The following SMURF1 variants were observed in gnomAD, a reference collection of about 807,000 sequenced individuals.
The protein encoded by SMURF1 is SMAD specific E3 ubiquitin protein ligase 1.
Under a neutral mutation model 98.0 loss-of-function variants are expected in SMURF1, and 44 were observed. That is an observed-to-expected ratio of 0.45 (90% CI 0.35 to 0.58). The LOEUF is 0.58. SMURF1 is among the 20% of genes least tolerant of loss of function. SMURF1 has a pLI of 0.00. For synonymous variants in SMURF1, 396 were observed against 374.9 expected, an observed-to-expected ratio of 1.06 and a Z score of -0.65; for missense variants, 687 against 938.4, an observed-to-expected ratio of 0.73 and a Z score of 3.50.
intron 15 of SMURF1, 84 bp downstream of exon 15, chr7:99,036,983 A>G (rs1795170188): frequency 3.8e-6 from 6 of 1,599,992 alleles, no homozygotes; most frequent in South Asian, 2.2e-5. Context: ...AGCGGCACAC[A>G]CTGCCCCCTG....
intron 1 of SMURF1, among the ~76,000 whole-genome samples, chr7:99,128,153 A>G (rs1281381419): frequency 3.9e-5 from 6 of 152,192 alleles, no homozygotes; most frequent in Non-Finnish European, 5.9e-5. Flanking sequence ...GTCTTTTACA[A>G]AATTATACTC....
At position 99,051,367 on chromosome 7, in the gene SMURF1, T is replaced by A; in HGVS notation, c.796A>T (p.Arg266Trp). 2 of 1,614,090 alleles carry A rather than the reference T, an allele frequency of 1.2e-6. No homozygotes were observed. Among genetic ancestry groups the A allele is most frequent in the Non-Finnish European group, 1.7e-6 (2 of 1,179,914 alleles). Residue 266 changes from arginine to tryptophan, a missense_variant, in exon 8 of 18, where the codon AGG becomes TGG. Transcript: ENST00000361368. ...QTGVSTWHDP[R>W]IPRDLNSVNC... The stretch of plus-strand genomic sequence containing the variant: ...TTTCAGGAGGCTTACCTTGGTATCC[T>A]GGGGTCGTGCCACGTGCTAACTCCA...
intron 1 of SMURF1, among the ~76,000 whole-genome samples, chr7:99,098,788 G>A (rs766605138): frequency 8.6e-5 from 13 of 151,934 alleles, no homozygotes; most frequent in Admixed American, 1.3e-4. Context: ...AGTGACTTTC[G>A]GCCCTCTGAT....
chr7:99,059,114 A>C (rs1795955465), intron 3 of SMURF1, among the ~76,000 whole-genome samples: 2 of 150,796 alleles, frequency 1.3e-5, no homozygotes, highest in South Asian at 4.2e-4. Context: ...TTAAAAATAA[A>C]ATAGGCCGGG....
At chr7:99,138,633 A>C (rs1798048409) in intron 1 of SMURF1, among the ~76,000 whole-genome samples, 1 of 152,226 alleles carries the variant, frequency 6.6e-6, no homozygotes, top group Admixed American at 6.5e-5. Flanking sequence ...TCCTAGTTTG[A>C]TAAATCACAA....
chr7:99,057,259 C>A lies in SMURF1; in HGVS notation c.349G>T (p.Asp117Tyr). 1 of 1,614,060 alleles carries A rather than the reference C, an allele frequency of 6.2e-7. No homozygotes were observed. The highest frequency in any genetic ancestry group is 1.1e-5 in the South Asian group (1 of 91,076). The change falls in exon 5 of 18, where the codon GAT (aspartate) becomes TAT (tyrosine). Residue 117 changes from aspartate (D) to tyrosine (Y), a missense_variant. By Grantham distance (160) the Asp-to-Tyr change is radical. Transcript: ENST00000361368. Reference protein sequence around the residue: ...RLKDTGYQRLDLCKLNPSDTD... With the variant: ...RLKDTGYQRLYLCKLNPSDTD... The stretch of plus-strand genomic sequence containing the variant: ...TCTGAGGGGTTTAGTTTGCATAGAT[C>A]CAAACGCTGGTCTGTAAACAAACAA...
At chr7:99,083,257 C>T (rs1796608767) in intron 1 of SMURF1, among the ~76,000 whole-genome samples, 1 of 152,078 alleles carries the variant, frequency 6.6e-6, no homozygotes, top group African/African-American at 2.4e-5. Context: ...AAAGAGAGAA[C>T]CTTGTTAACT....
chr7:99,139,466 T>C (rs1416130717), intron 1 of SMURF1, among the ~76,000 whole-genome samples: 1 of 152,206 alleles, frequency 6.6e-6, no homozygotes, highest in East Asian at 1.9e-4. Flanking sequence ...TTTCAACTAA[T>C]TGGTTGACAT....
chr7:99,126,516 C>T (rs779394232), intron 1 of SMURF1, among the ~76,000 whole-genome samples: 45 of 151,932 alleles, frequency 3.0e-4, no homozygotes, highest in Middle Eastern at 3.4e-3. Flanking sequence ...ATCAGCCGGG[C>T]GTGGTGGCAT....
At chr7:99,131,608 G>T (rs2150641836) in intron 1 of SMURF1, among the ~76,000 whole-genome samples, 1 of 152,256 alleles carries the variant, frequency 6.6e-6, no homozygotes, top group Non-Finnish European at 1.5e-5. Flanking sequence ...GCTGGGCATG[G>T]TGGCTCATGC....
At chr7:99,073,818 C>A (rs1172273557) in intron 1 of SMURF1, among the ~76,000 whole-genome samples, 1 of 150,952 alleles carries the variant, frequency 6.6e-6, no homozygotes, top group Non-Finnish European at 1.5e-5. Context: ...TTAGGTATGT[C>A]CTCAATGCAA....
chr7:99,039,505 G>A (rs994578685), intron 13 of SMURF1, among the ~76,000 whole-genome samples: 2 of 152,034 alleles, frequency 1.3e-5, no homozygotes, highest in Non-Finnish European at 2.9e-5. Flanking sequence ...GCCACACCTG[G>A]CTTTTTAAAA....
intron 1 of SMURF1, among the ~76,000 whole-genome samples, chr7:99,066,436 G>A (rs192895329): frequency 1.3e-5 from 2 of 152,284 alleles, no homozygotes; most frequent in African/African-American, 4.8e-5. Context: ...GTGGAATTTG[G>A]TTATATCATA....
At chr7:99,052,041 G>A (rs1032346116) in intron 7 of SMURF1, among the ~76,000 whole-genome samples, 164 bp downstream of exon 7, 21 of 152,006 alleles carry the variant, frequency 1.4e-4, no homozygotes, top group African/African-American at 4.4e-4. Context: ...CCAGCTACTC[G>A]CGAGGATCGC....
intron 1 of SMURF1, among the ~76,000 whole-genome samples, chr7:99,122,745 CTTTTTTTT>C (rs373204946): frequency 1.3e-4 from 15 of 112,404 alleles, no homozygotes; most frequent in South Asian, 3.0e-4. Context: ...TTCTTTCTTT[CTTTTTTTT>C]TTTTTTTTTT....
rs1233708002 is a variant in SMURF1, at chr7:99,059,403, AAAATAAAATAAAATAAAAT to A, written c.203+1177_203+1195del. ...ACAGAGCAAGACTCCATCTCAAAAA[AAAATAAAATAAAATAAAAT>A]AAAATAAAATAAAATAAAATAAAAT... On this transcript the variant is annotated intron_variant, in intron 3 of 17. Transcript: ENST00000361368. 2.4e-4 allele frequency among the ~76,000 whole-genome samples: 4 copies of A among 16,806 alleles called. No homozygotes were observed. In the East Asian group the frequency reaches 0.011, roughly 45 times the overall value. 11.0% of individuals were successfully genotyped at this position (16,806 alleles called of 152,430 possible).
intron 1 of SMURF1, among the ~76,000 whole-genome samples, chr7:99,143,237 A>G: frequency 1.5e-5 from 1 of 68,598 alleles, no homozygotes; most frequent in African/African-American, 5.4e-5. Flanking sequence ...GACCACAGGG[A>G]TGGAGGTGAA....
intron 14 of SMURF1, among the ~76,000 whole-genome samples, chr7:99,037,962 A>G (rs530233321): frequency 3.9e-4 from 59 of 152,230 alleles, no homozygotes; most frequent in Non-Finnish European, 5.9e-4. Flanking sequence ...ACGTGCCCAC[A>G]TAGTTCTCAG....
At chr7:99,059,453 A>AAAATAAAAT (rs1563010686) in intron 3 of SMURF1, among the ~76,000 whole-genome samples, 29 of 149,104 alleles carry the variant, frequency 1.9e-4, no homozygotes, top group African/African-American at 6.4e-4. Context: ...AAAATAAAAT[A>AAAATAAAAT]AAATAAAATA....
Sources: allele counts gnomAD v4.1 joint callset (sites outside exome capture counted in the v4.1 genomes callset), GRCh38; gene constraint gnomAD v4.1.1; transcripts MANE v1.5; gene names NCBI Gene and HGNC (gene_info 2026-07-23, HGNC 2026-07-21).